Variants in TMEM72 observed in about 807,000 individuals in gnomAD.
TMEM72 encodes transmembrane protein 72.
Under a neutral mutation model 16.3 loss-of-function variants are expected in TMEM72, and 9 were observed. The ratio of observed to expected loss-of-function variants is 0.55; its 90% confidence interval spans 0.33 to 0.96. The LOEUF is 0.96. TMEM72 is among the 40% of genes least tolerant of loss of function. The probability of loss-of-function intolerance (pLI) is 0.03; values close to 1 mark genes in which losing one functional copy is unlikely to be tolerated. For synonymous variants in TMEM72, 160 were observed against 146.5 expected (o/e 1.09, Z -0.66); for missense variants, 324 against 337.8 (o/e 0.96, Z 0.32).
At chr10:44,917,600 G>C (rs1323038178) in intron 1 of TMEM72, among the ~76,000 whole-genome samples, 1 of 152,132 alleles carries the variant, frequency 6.6e-6, no homozygotes, top group Admixed American at 6.5e-5. Flanking sequence ...TTTCAAGATT[G>C]TCCTGGGTTC....
Position 44,925,934 on chromosome 10 carries a change from TACAC to T in TMEM72, c.71-1980_71-1977del, listed in dbSNP as rs200330991. On this transcript the variant is annotated intron_variant, in intron 1 of 4. Coordinates refer to ENST00000389583, the MANE Select transcript of TMEM72 (RefSeq NM_001123376.3). The stretch of plus-strand genomic sequence containing the variant: ...ATTCACACGTGCACATTCACACACA[TACAC>T]ACACACTTACACACACACTCACACA... 5.4e-4 allele frequency among the ~76,000 whole-genome samples: 82 copies of T among 151,442 alleles called. 1 individual carries two copies. In the East Asian group the frequency reaches 0.016, roughly 29 times the overall value.
chr10:44,914,365 T>C (rs777349758), intron 1 of TMEM72, among the ~76,000 whole-genome samples: 5 of 152,192 alleles, frequency 3.3e-5, no homozygotes, highest in African/African-American at 4.8e-5. Context: ...AACAGACCAC[T>C]CCCGCATTGT....
intron 1 of TMEM72, among the ~76,000 whole-genome samples, chr10:44,918,282 C>T (rs955691523): frequency 6.6e-6 from 1 of 152,132 alleles, no homozygotes; most frequent in African/African-American, 2.4e-5. Context: ...AAGGGAGATG[C>T]TATTCTACGT....
At chr10:44,929,623 G>A (rs1840262384) in intron 2 of TMEM72, among the ~76,000 whole-genome samples, 1 of 152,222 alleles carries the variant, frequency 6.6e-6, no homozygotes, top group Admixed American at 6.5e-5. Flanking sequence ...TTTCCACACT[G>A]CCATCTAGAC....
chr10:44,927,938 A>C lies in TMEM72; in HGVS notation c.88A>C (p.Thr30Pro). ...CCCCTTAGTGTTGATCGGCGTGGGC[A>C]CTGAGACCTTCCTCCAGGGCCAGTT... ...TTAAVLIGVG[T>P]ETFLQGQFKS... is the part of the protein sequence containing the mutation. The change falls in exon 2 of 5, where the codon ACT becomes CCT. Residue 30 changes from threonine (T) to proline (P), a missense_variant. Physicochemically the swap from Thr to Pro is conservative, Grantham distance 38 (BLOSUM62 -1). Transcript: ENST00000389583. 3 of 1,613,228 alleles carry C rather than the reference A, an allele frequency of 1.9e-6. No homozygotes were observed. The highest frequency in any genetic ancestry group is 2.5e-6 in the Non-Finnish European group (3 of 1,179,702).
intron 1 of TMEM72, among the ~76,000 whole-genome samples, chr10:44,911,949 T>C (rs1839944150): frequency 6.6e-6 from 1 of 152,232 alleles, no homozygotes. Flanking sequence ...TGGGCTTCGC[T>C]GTGTATCTAC....
intron 1 of TMEM72, among the ~76,000 whole-genome samples, chr10:44,912,017 G>A (rs1458310903): frequency 6.6e-6 from 1 of 152,246 alleles, no homozygotes; most frequent in East Asian, 1.9e-4. Flanking sequence ...CTCATGGAGA[G>A]AGAACTCCCA....
intron 1 of TMEM72, among the ~76,000 whole-genome samples, chr10:44,917,541 C>A (rs1840030684): frequency 6.6e-6 from 1 of 152,140 alleles, no homozygotes; most frequent in Admixed American, 6.5e-5. Context: ...AGTAAGCCAA[C>A]CAGAGGAAAG....
In TMEM72 at chr10:44,911,557, G is replaced by C. The variant is rs1839938172; in HGVS notation, c.45G>C (p.Arg15=). ...GGACTGGGCTGGAATACACCTGCCG[G>C]CTCCTGGGCATCACCACTGCTGCAG... ...VFWTGLEYTC[R]LLGITTAAVL... is the part of the protein sequence containing the mutation. Residue 15 remains arginine, a synonymous_variant, in exon 1 of 5, where the codon CGG becomes CGC. Transcript: ENST00000389583. 6.4e-7 allele frequency: 1 copy of C among 1,551,170 alleles called. No homozygotes were observed. The highest frequency in any genetic ancestry group is 2.0e-5 in the Admixed American group (1 of 51,054).
intron 4 of TMEM72, 78 bp from the exon 5 acceptor site, chr10:44,934,573 AGCTCT>A: frequency 7.3e-7 from 1 of 1,366,682 alleles, no homozygotes; most frequent in East Asian, 2.4e-5. Context: ...GGGTTGCAGG[AGCTCT>A]GCTGCACGAC....
In TMEM72 at chr10:44,924,779, A is replaced by C. The variant is rs554054099; in HGVS notation, c.71-3142A>C. On this transcript the variant is annotated intron_variant, in intron 1 of 4. Coordinates refer to ENST00000389583, the MANE Select transcript of TMEM72 (RefSeq NM_001123376.3). ...ACTGATCCTCTTCCGCCTTGGGTAA[A>C]TTGAGGAGCCATACTCCTGGCTCCC... Among the ~76,000 whole-genome samples the C allele has an allele frequency of 3.2e-4, 49 of 152,276 alleles. No homozygotes were observed. The South Asian group carries it at 9.9e-3, about 31-fold the overall frequency.
At chr10:44,924,537 G>A (rs1483955351) in intron 1 of TMEM72, among the ~76,000 whole-genome samples, 1 of 152,258 alleles carries the variant, frequency 6.6e-6, no homozygotes, top group Non-Finnish European at 1.5e-5. Context: ...CCCCCAAGGA[G>A]GGTGGGCCTG....
At chr10:44,927,657 C>T (rs1840218081) in intron 1 of TMEM72, among the ~76,000 whole-genome samples, 1 of 152,226 alleles carries the variant, frequency 6.6e-6, no homozygotes, top group Non-Finnish European at 1.5e-5. Context: ...TGGGCAGTTG[C>T]TGGGGGCACT....
intron 1 of TMEM72, among the ~76,000 whole-genome samples, chr10:44,915,314 C>G (rs1839997823): frequency 6.6e-6 from 1 of 152,144 alleles, no homozygotes; most frequent in Non-Finnish European, 1.5e-5. Flanking sequence ...ACTCAAAGCC[C>G]AAGCTTTGCA....
chr10:44,912,591 G>C (rs183690949), intron 1 of TMEM72, among the ~76,000 whole-genome samples: 1 of 152,300 alleles, frequency 6.6e-6, no homozygotes, highest in African/African-American at 2.4e-5. Context: ...ATGACCTTGG[G>C]GAGCCCCTGA....
intron 1 of TMEM72, among the ~76,000 whole-genome samples, chr10:44,913,999 G>A (rs557049881): frequency 1.3e-5 from 2 of 152,322 alleles, no homozygotes; most frequent in Admixed American, 1.3e-4. Flanking sequence ...GCTGCTAAGA[G>A]GCTACAGCCT....
At chr10:44,913,271 G>A (rs1419113192) in intron 1 of TMEM72, among the ~76,000 whole-genome samples, 2 of 152,108 alleles carry the variant, frequency 1.3e-5, no homozygotes, top group East Asian at 1.9e-4. Context: ...TCTGTAAAAT[G>A]CCAAGAATCC....
intron 2 of TMEM72, 26 bp downstream of exon 2, chr10:44,928,013 T>C (rs1258944985): frequency 8.7e-6 from 14 of 1,612,032 alleles, no homozygotes; most frequent in Admixed American, 6.7e-5. Flanking sequence ...TGTGCCACTT[T>C]TGACCTGCAA....
chr10:44,931,408 A>G (rs1433804572), intron 2 of TMEM72, among the ~76,000 whole-genome samples: 1 of 152,186 alleles, frequency 6.6e-6, no homozygotes, highest in Non-Finnish European at 1.5e-5. Context: ...CAGGAGGAAC[A>G]TGATCAGATT....
Sources: allele counts gnomAD v4.1 joint callset (sites outside exome capture counted in the v4.1 genomes callset), GRCh38; gene constraint gnomAD v4.1.1; transcripts MANE v1.5; gene names NCBI Gene and HGNC (gene_info 2026-07-23, HGNC 2026-07-21).